Variants in BRINP3 observed in about 807,000 individuals in gnomAD.
The protein encoded by BRINP3 is BMP/retinoic acid inducible neural specific 3, also known as BMP/retinoic acid-inducible neural-specific protein 3.
BRINP3 carries 19 observed loss-of-function variants against 71.0 expected under a neutral mutation model. That is an observed-to-expected ratio of 0.27 (90% confidence interval 0.19 to 0.39). The LOEUF is 0.39. Among genes scored for constraint, BRINP3 ranks in the 10% least tolerant of loss-of-function variants. The probability of loss-of-function intolerance (pLI) is 1.00; values close to 1 mark genes in which losing one functional copy is unlikely to be tolerated. For synonymous variants in BRINP3, 380 were observed against 337.7 expected (o/e 1.13, Z -1.37); for missense variants, 959 against 940.8 (o/e 1.02, Z -0.25).
At chr1:190,299,365 CTT>C (rs369269438) in intron 2 of BRINP3, among the ~76,000 whole-genome samples, 2 of 151,442 alleles carry the variant, frequency 1.3e-5, no homozygotes, top group Non-Finnish European at 2.9e-5. Flanking sequence ...TTTCCATTCT[CTT>C]TCTCTTTTTT....
At chr1:190,150,051 AT>A (rs1008440476) in intron 7 of BRINP3, among the ~76,000 whole-genome samples, 1 of 151,624 alleles carries the variant, frequency 6.6e-6, no homozygotes, top group Non-Finnish European at 1.5e-5. Flanking sequence ...AGTGCTTCAC[AT>A]TTTTTTTCAG....
chr1:190,247,163 C>A (rs1288657837), intron 4 of BRINP3, among the ~76,000 whole-genome samples: 1 of 151,712 alleles, frequency 6.6e-6, no homozygotes, highest in Non-Finnish European at 1.5e-5. Flanking sequence ...CAAAAAAAAA[C>A]ACACCATAGA....
rs1412109116 is a variant in BRINP3, at chr1:190,098,496, T to C, written c.1823A>G (p.Tyr608Cys). 1.2e-6 allele frequency: 2 copies of C among 1,614,180 alleles called. No homozygotes were observed. Among genetic ancestry groups the C allele is most frequent in the Admixed American group, 3.3e-5 (2 of 60,020 alleles). The part of the protein sequence containing the change: ...RTKLDLPLQC[Y>C]NWTLTLGNKW... ...GTTCCCCAGAGTTAATGTCCAGTTATAACACTGCAGGGGTAGGTCCAACTT... is the reference window on the plus strand; with the variant it reads ...GTTCCCCAGAGTTAATGTCCAGTTACAACACTGCAGGGGTAGGTCCAACTT... Residue 608 changes from tyrosine to cysteine, a missense_variant, in exon 8 of 8, where the codon TAT becomes TGT. Tyr to Cys is a radical substitution (Grantham distance 194). Coordinates refer to ENST00000367462, the MANE Select transcript of BRINP3 (RefSeq NM_199051.3).
chr1:190,441,152 A>C (rs1674791979), intron 2 of BRINP3, among the ~76,000 whole-genome samples: 1 of 152,098 alleles, frequency 6.6e-6, no homozygotes, highest in East Asian at 1.9e-4. Flanking sequence ...AGAAAAAAAA[A>C]ACCTAGAAAT....
chr1:190,399,042 G>C (rs1487343375), intron 2 of BRINP3, among the ~76,000 whole-genome samples: 2 of 151,966 alleles, frequency 1.3e-5, no homozygotes, highest in Admixed American at 1.3e-4. Context: ...CAGAGATTAT[G>C]ATTACTTTGT....
At chr1:190,384,577 A>C (rs1319243189) in intron 2 of BRINP3, among the ~76,000 whole-genome samples, 1 of 151,878 alleles carries the variant, frequency 6.6e-6, no homozygotes, top group Non-Finnish European at 1.5e-5. Flanking sequence ...TATAAAAATA[A>C]AAATAATAGT....
chr1:190,226,363 A>G (rs1351554619), intron 5 of BRINP3, 45 bp from the exon 6 acceptor site: 1 of 1,105,070 alleles, frequency 9.0e-7, no homozygotes. Context: ...TTTGTTAAAG[A>G]AAAAATTAAA....
At chr1:190,382,947 C>A (rs1670644983) in intron 2 of BRINP3, among the ~76,000 whole-genome samples, 1 of 152,130 alleles carries the variant, frequency 6.6e-6, no homozygotes, top group South Asian at 2.1e-4. Flanking sequence ...TCAAAATTTC[C>A]TCAAGTGCTT....
chr1:190,346,825 C>CTTT (rs1268480711), intron 2 of BRINP3, among the ~76,000 whole-genome samples: 1 of 152,056 alleles, frequency 6.6e-6, no homozygotes, highest in Admixed American at 6.6e-5. Context: ...TATATCACAG[C>CTTT]ATTTGTCACA....
intron 6 of BRINP3, among the ~76,000 whole-genome samples, chr1:190,190,212 GT>G: frequency 6.6e-6 from 1 of 152,200 alleles, no homozygotes. Flanking sequence ...GGGCTATCAG[GT>G]TTTTGCAAAT....
intron 1 of BRINP3, among the ~76,000 whole-genome samples, chr1:190,457,402 C>T (rs185557102): frequency 6.6e-6 from 1 of 152,160 alleles, no homozygotes; most frequent in East Asian, 1.9e-4. Flanking sequence ...TTAGATGACT[C>T]CACTGCACTC....
intron 7 of BRINP3, among the ~76,000 whole-genome samples, chr1:190,128,610 G>A (rs1371526214): frequency 6.6e-6 from 1 of 151,674 alleles, no homozygotes; most frequent in Non-Finnish European, 1.5e-5. Flanking sequence ...GGTAGAATGA[G>A]ATATAATTCC....
At chr1:190,287,533 T>C (rs1663528516) in intron 2 of BRINP3, among the ~76,000 whole-genome samples, 1 of 152,126 alleles carries the variant, frequency 6.6e-6, no homozygotes, top group African/African-American at 2.4e-5. Context: ...TCTATTCCAA[T>C]AAAATACTGG....
chr1:190,188,554 G>C (rs1249475612), intron 6 of BRINP3, among the ~76,000 whole-genome samples: 1 of 152,070 alleles, frequency 6.6e-6, no homozygotes, highest in East Asian at 1.9e-4. Flanking sequence ...TATTAGTTGA[G>C]AGCTGAGAGA....
chr1:190,425,617 T>C (rs954898332), intron 2 of BRINP3, among the ~76,000 whole-genome samples: 1 of 151,810 alleles, frequency 6.6e-6, no homozygotes, highest in Non-Finnish European at 1.5e-5. Flanking sequence ...TTGCATATTA[T>C]GGAAAAGACT....
chr1:190,147,709 T>A (rs1201014682), intron 7 of BRINP3, among the ~76,000 whole-genome samples: 1 of 152,202 alleles, frequency 6.6e-6, no homozygotes, highest in African/African-American at 2.4e-5. Flanking sequence ...TGGAAGTCAG[T>A]TTCCCTCTCA....
chr1:190,161,758 C>G (rs1650991616), intron 6 of BRINP3, among the ~76,000 whole-genome samples: 1 of 152,004 alleles, frequency 6.6e-6, no homozygotes, highest in Admixed American at 6.6e-5. Flanking sequence ...CAAATATGAG[C>G]ATATACAAAA....
chr1:190,097,961 C>T lies in BRINP3; in HGVS notation c.*57G>A. The T allele has an allele frequency of 6.7e-7, 1 of 1,502,168 alleles. No homozygotes were observed. The highest frequency in any genetic ancestry group is 9.0e-7 in the Non-Finnish European group (1 of 1,117,246). 93.1% of individuals were successfully genotyped at this position (1,502,168 alleles called of 1,614,324 possible). ...TTTACTCTTCCAAACATAAACTGTT[C>T]CACAAAAGCACTGTAAAAACTCCTT... On this transcript the variant is annotated 3_prime_UTR_variant, in exon 8 of 8. Transcript: ENST00000367462.
chr1:190,337,412 G>A (rs1188324443), intron 2 of BRINP3, among the ~76,000 whole-genome samples: 1 of 152,074 alleles, frequency 6.6e-6, no homozygotes, highest in Non-Finnish European at 1.5e-5. Flanking sequence ...TCACTGGACT[G>A]GGAGAGGCAG....
Sources: gnomAD v4.1 joint callset for allele counts (sites outside exome capture counted in the v4.1 genomes callset) on GRCh38, gnomAD v4.1.1 for gene constraint, MANE v1.5 for transcripts, NCBI Gene and HGNC (gene_info 2026-07-23, HGNC 2026-07-21) for gene names.